The following TMEFF1 variants were observed in gnomAD, a reference collection of about 807,000 sequenced individuals.
TMEFF1 encodes tomoregulin-1.
Under a neutral mutation model 47.5 loss-of-function variants are expected in TMEFF1, and 20 were observed. The ratio of observed to expected loss-of-function variants is 0.42; its 90% confidence interval spans 0.30 to 0.61. TMEFF1 has a LOEUF of 0.61. TMEFF1 is among the 20% of genes least tolerant of loss of function. The pLI is 0.19. For synonymous variants in TMEFF1, 162 were observed against 166.3 expected (o/e 0.97, Z 0.20); for missense variants, 411 against 471.1 (o/e 0.87, Z 1.18).
At chr9:100,530,028 A>G (rs1319384216) in intron 5 of TMEFF1, among the ~76,000 whole-genome samples, 4 of 152,056 alleles carry the variant, frequency 2.6e-5, no homozygotes, top group East Asian at 3.8e-4. Context: ...AGAAATAAAG[A>G]TGTTCTTTGA....
chr9:100,565,886 A>T (rs1260090068), intron 8 of TMEFF1, among the ~76,000 whole-genome samples: 1 of 152,204 alleles, frequency 6.6e-6, no homozygotes, highest in Admixed American at 6.5e-5. Context: ...CATAGAACTC[A>T]AAAGAGTTGT....
chr9:100,533,864 G>A (rs568797596), intron 5 of TMEFF1, among the ~76,000 whole-genome samples: 3 of 151,976 alleles, frequency 2.0e-5, no homozygotes, highest in African/African-American at 7.2e-5. Flanking sequence ...GATTACAGGC[G>A]TGCACCACCA....
At chr9:100,533,792 C>G (rs1342873543) in intron 5 of TMEFF1, among the ~76,000 whole-genome samples, 1 of 152,078 alleles carries the variant, frequency 6.6e-6, no homozygotes, top group Non-Finnish European at 1.5e-5. Flanking sequence ...GATCTTGTTT[C>G]ACTGCAACCT....
chr9:100,573,014 A>C (rs1839277744), intron 9 of TMEFF1, among the ~76,000 whole-genome samples: 1 of 150,342 alleles, frequency 6.7e-6, no homozygotes, highest in Admixed American at 6.7e-5. Flanking sequence ...ACAGGGCCTC[A>C]CTCTGTTGCC....
intron 3 of TMEFF1, among the ~76,000 whole-genome samples, chr9:100,510,090 C>G (rs1398826108): frequency 6.6e-6 from 1 of 152,074 alleles, no homozygotes; most frequent in Non-Finnish European, 1.5e-5. Flanking sequence ...TTACAGTGTT[C>G]AGAAATTCTC....
intron 2 of TMEFF1, among the ~76,000 whole-genome samples, chr9:100,506,537 G>A (rs1299908702): frequency 2.6e-5 from 4 of 151,820 alleles, no homozygotes; most frequent in African/African-American, 9.7e-5. Context: ...AGGCCGAGGC[G>A]GGCGGATCAC....
chr9:100,506,326 T>C (rs893272732), intron 2 of TMEFF1, among the ~76,000 whole-genome samples: 3 of 152,204 alleles, frequency 2.0e-5, no homozygotes, highest in African/African-American at 7.2e-5. Flanking sequence ...TGACATTTTA[T>C]TCCAGGACTT....
At chr9:100,493,782 C>T (rs1457534858) in intron 1 of TMEFF1, among the ~76,000 whole-genome samples, 1 of 152,068 alleles carries the variant, frequency 6.6e-6, no homozygotes, top group Non-Finnish European at 1.5e-5. Context: ...CTCTTGATGC[C>T]TGGTACTGTA....
chr9:100,516,594 A>T, intron 4 of TMEFF1, 81 bp from the exon 5 acceptor site: 3 of 1,530,186 alleles, frequency 2.0e-6, no homozygotes. Flanking sequence ...CAGAAACAGG[A>T]TAATGACTGC....
chr9:100,524,726 A>G (rs1838224461), intron 5 of TMEFF1, among the ~76,000 whole-genome samples: 1 of 152,270 alleles, frequency 6.6e-6, no homozygotes, highest in East Asian at 1.9e-4. Flanking sequence ...AGGGGAGAGC[A>G]GGAACTTCAT....
chr9:100,528,083 C>A (rs1838301373), intron 5 of TMEFF1, among the ~76,000 whole-genome samples: 1 of 151,602 alleles, frequency 6.6e-6, no homozygotes, highest in African/African-American at 2.4e-5. Flanking sequence ...CACCAAAAAC[C>A]CATCTGTACA....
intron 1 of TMEFF1, among the ~76,000 whole-genome samples, chr9:100,482,833 T>G (rs908723887): frequency 3.9e-5 from 6 of 152,202 alleles, no homozygotes; most frequent in Non-Finnish European, 7.4e-5. Context: ...ACTCCTCTCC[T>G]GCCTGTACTC....
chr9:100,507,923 G>A (rs1357530872), intron 2 of TMEFF1, among the ~76,000 whole-genome samples: 1 of 152,098 alleles, frequency 6.6e-6, no homozygotes, highest in Non-Finnish European at 1.5e-5. Context: ...ATCAAAAACT[G>A]TATTCCTTTT....
chr9:100,565,533 T>C (rs1297008278), intron 8 of TMEFF1, among the ~76,000 whole-genome samples: 1 of 152,202 alleles, frequency 6.6e-6, no homozygotes, highest in Non-Finnish European at 1.5e-5. Context: ...CCCTTTATGC[T>C]GCCCTGGCAG....
chr9:100,503,535 A>AACACACACACACACACACACAC (rs66485935), intron 2 of TMEFF1, among the ~76,000 whole-genome samples: 1 of 143,938 alleles, frequency 6.9e-6, no homozygotes, highest in Non-Finnish European at 1.5e-5. Context: ...GAGAAACAGA[A>AACACACACACACACACACACAC]ACACACACAC....
At chr9:100,531,338 C>T (rs959701842) in intron 5 of TMEFF1, among the ~76,000 whole-genome samples, 26 of 152,134 alleles carry the variant, frequency 1.7e-4, no homozygotes, top group Non-Finnish European at 2.8e-4. Context: ...CTAGAAAACC[C>T]GACTGTCTCA....
At chr9:100,554,279 GAA>G (rs1838877272) in intron 7 of TMEFF1, among the ~76,000 whole-genome samples, 1 of 152,132 alleles carries the variant, frequency 6.6e-6, no homozygotes, top group African/African-American at 2.4e-5. Context: ...TCATCAAAAG[GAA>G]AGACTGTGAG....
intron 1 of TMEFF1, among the ~76,000 whole-genome samples, chr9:100,490,836 GGT>G (rs10654628): frequency 0.02 from 2,769 of 136,088 alleles, 30 homozygotes; most frequent in African/African-American, 0.034. Flanking sequence ...TTATATGTAT[GGT>G]GTGTGTGTGT....
intron 5 of TMEFF1, among the ~76,000 whole-genome samples, chr9:100,533,086 T>G (rs1249136353): frequency 9.6e-6 from 1 of 104,662 alleles, no homozygotes; most frequent in African/African-American, 3.8e-5. Context: ...TGGGGACTAT[T>G]GTGGGGTGGG....
Sources: allele counts gnomAD v4.1 joint callset (sites outside exome capture counted in the v4.1 genomes callset), GRCh38; gene constraint gnomAD v4.1.1; transcripts MANE v1.5; gene names NCBI Gene and HGNC (gene_info 2026-07-23, HGNC 2026-07-21).